The following MAML2 variants were observed in gnomAD, a reference collection of about 807,000 sequenced individuals.
The protein encoded by MAML2 is mastermind like transcriptional coactivator 2, also known as mastermind-like protein 2.
A neutral mutation model predicts 96.1 loss-of-function variants in MAML2; 22 were observed. The observed-to-expected ratio is 0.23, with a 90% CI of 0.16 to 0.33. The LOEUF is 0.33. Ranked by LOEUF, MAML2 falls within the 10% of genes least tolerant of loss-of-function variation. The pLI is 1.00. For synonymous variants in MAML2, 561 were observed against 521.3 expected (o/e 1.08, Z -1.04); for missense variants, 1,367 against 1,392.4 (o/e 0.98, Z 0.29).
At chr11:96,314,642 T>C (rs1338716423) in intron 1 of MAML2, among the ~76,000 whole-genome samples, 2 of 151,956 alleles carry the variant, frequency 1.3e-5, no homozygotes, top group African/African-American at 4.8e-5. Flanking sequence ...AACGGGAAAA[T>C]AGGCAGCTTA....
intron 1 of MAML2, among the ~76,000 whole-genome samples, chr11:96,340,527 G>A (rs776489915): frequency 5.9e-5 from 9 of 152,264 alleles, no homozygotes; most frequent in Non-Finnish European, 1.3e-4. Flanking sequence ...GATGGTGTGT[G>A]TCTGTGCCTC....
At chr11:96,247,822 T>C (rs913966783) in intron 1 of MAML2, among the ~76,000 whole-genome samples, 5 of 152,102 alleles carry the variant, frequency 3.3e-5, no homozygotes, top group Admixed American at 3.3e-4. Flanking sequence ...ATGAACTTGA[T>C]TCCTATTTCA....
chr11:96,235,568 C>T (rs1323059507), intron 1 of MAML2, among the ~76,000 whole-genome samples: 3 of 152,172 alleles, frequency 2.0e-5, no homozygotes, highest in Non-Finnish European at 4.4e-5. Context: ...AATTACTTTC[C>T]TCAGGTTTGG....
chr11:96,042,258 G>A (rs7934969), intron 2 of MAML2, among the ~76,000 whole-genome samples: 15,191 of 152,076 alleles, frequency 0.1, 994 homozygotes, highest in East Asian at 0.22. Context: ...GATTACAGGC[G>A]TGAGCCACCA....
intron 2 of MAML2, among the ~76,000 whole-genome samples, chr11:95,999,468 T>C (rs1377895399): frequency 2.7e-5 from 4 of 145,988 alleles, no homozygotes; most frequent in Admixed American, 2.0e-4. Flanking sequence ...GTAAGACTCG[T>C]TGGATTCAGT....
chr11:96,076,430 TCTCACACACACACA>T (rs139207834), intron 2 of MAML2, among the ~76,000 whole-genome samples: 46,089 of 136,422 alleles, frequency 0.34, 7,846 homozygotes, highest in Non-Finnish European at 0.4. Flanking sequence ...TCTCTCTCTC[TCTCACACACACACA>T]CACACACACA....
Position 96,039,729 on chromosome 11 carries a change from G to A in MAML2, c.2140-48006C>T, listed in dbSNP as rs186316442. 4.7e-4 allele frequency among the ~76,000 whole-genome samples: 72 copies of A among 152,050 alleles called. 1 individual carries two copies. The highest frequency in any genetic ancestry group is 1.6e-3 in the African/African-American group (67 of 41,458). ...TGGGAGGCCAAGGCAGGCGGATCAC[G>A]AGGTCAGGAGATCGAGACCATCCTG... is the stretch of plus-strand genomic sequence containing the variant. On this transcript the variant is annotated intron_variant, in intron 2 of 4. Transcript: ENST00000524717.
At chr11:96,262,808 G>A (rs1458150640) in intron 1 of MAML2, among the ~76,000 whole-genome samples, 1 of 152,150 alleles carries the variant, frequency 6.6e-6, no homozygotes, top group African/African-American at 2.4e-5. Flanking sequence ...AGAATGGCAA[G>A]CTTGTAGATA....
chr11:96,029,791 T>C (rs760219688), intron 2 of MAML2, among the ~76,000 whole-genome samples: 13 of 152,190 alleles, frequency 8.5e-5, no homozygotes, highest in Non-Finnish European at 1.3e-4. Flanking sequence ...ATGAAAGATT[T>C]CAGGTGCTCA....
At chr11:96,137,446 C>T (rs557174358) in intron 1 of MAML2, among the ~76,000 whole-genome samples, 37 of 152,358 alleles carry the variant, frequency 2.4e-4, no homozygotes, top group Middle Eastern at 3.4e-3. Context: ...ATTCCTTTGT[C>T]TCTTCAACAA....
At chr11:96,147,943 A>G (rs1860845559) in intron 1 of MAML2, among the ~76,000 whole-genome samples, 1 of 152,208 alleles carries the variant, frequency 6.6e-6, no homozygotes, top group Non-Finnish European at 1.5e-5. Context: ...ACTCTGAAAG[A>G]ACAGTCAGGG....
chr11:96,230,060 A>G (rs990645816), intron 1 of MAML2, among the ~76,000 whole-genome samples: 2 of 152,206 alleles, frequency 1.3e-5, no homozygotes, highest in Admixed American at 6.5e-5. Flanking sequence ...CAGCTTTAAG[A>G]AAAAACATTT....
chr11:96,340,124 A>T (rs1382925438), intron 1 of MAML2, among the ~76,000 whole-genome samples: 2 of 152,126 alleles, frequency 1.3e-5, no homozygotes, highest in African/African-American at 4.8e-5. Flanking sequence ...GTCACCATGG[A>T]CCCAGGCCAG....
chr11:95,998,733 A>G (rs904939318), intron 2 of MAML2, among the ~76,000 whole-genome samples: 5 of 152,224 alleles, frequency 3.3e-5, no homozygotes, highest in African/African-American at 1.2e-4. Context: ...TAAATCAGGT[A>G]TATGATGACC....
At chr11:95,998,174 G>GTCTGTCTGTCTGTCTATCTGTCTATCTA (rs139615820) in intron 2 of MAML2, among the ~76,000 whole-genome samples, 2 of 147,716 alleles carry the variant, frequency 1.4e-5, no homozygotes, top group East Asian at 4.1e-4. Flanking sequence ...CTGTCTGTCT[G>GTCTGTCTGTCTGTCTATCTGTCTATCTA]TCTATCTATC....
intron 2 of MAML2, among the ~76,000 whole-genome samples, chr11:96,038,749 T>C (rs139776550): frequency 6.2e-4 from 94 of 152,356 alleles, no homozygotes; most frequent in African/African-American, 2.2e-3. Flanking sequence ...TCTAACTCTC[T>C]ACCTTGCTTA....
chr11:96,338,622 CAGGATACAAAGCTTTCATCTG>C lies in MAML2; in HGVS notation c.513+2740_513+2760del, dbSNP rs199724202. On this transcript the variant is annotated intron_variant, in intron 1 of 4. Coordinates refer to ENST00000524717, the MANE Select transcript of MAML2 (RefSeq NM_032427.4). Reference sequence around the variant, plus strand: ...TCAAGGCATTGTACTAGAAGGTATGCAGGATACAAAGCTTTCATCTGAGGACACAGCACATCTTTGATTTTA... The same window carrying C: ...TCAAGGCATTGTACTAGAAGGTATGCAGGACACAGCACATCTTTGATTTTA... Among the ~76,000 whole-genome samples the C allele has an allele frequency of 3.9e-5, 6 of 152,280 alleles. No homozygotes were observed. The East Asian group carries it at 1.2e-3, about 29-fold the overall frequency.
intron 1 of MAML2, among the ~76,000 whole-genome samples, chr11:96,220,481 T>C (rs1862119875): frequency 1.3e-5 from 2 of 152,176 alleles, no homozygotes; most frequent in South Asian, 4.1e-4. Context: ...CTTTATTTTT[T>C]TCTAAGTCAT....
intron 1 of MAML2, among the ~76,000 whole-genome samples, chr11:96,204,862 C>G (rs1374376295): frequency 6.6e-6 from 1 of 152,254 alleles, no homozygotes; most frequent in South Asian, 2.1e-4. Context: ...AAATTAGTTG[C>G]CTTTCTCCTC....
Sources: gnomAD v4.1 joint callset for allele counts (sites outside exome capture counted in the v4.1 genomes callset) on GRCh38, gnomAD v4.1.1 for gene constraint, MANE v1.5 for transcripts, NCBI Gene and HGNC (gene_info 2026-07-23, HGNC 2026-07-21) for gene names.